Variants in VTI1A observed in about 807,000 individuals in gnomAD.
VTI1A encodes the protein vesicle transport through interaction with t-SNAREs homolog 1A.
A neutral mutation model predicts 34.9 loss-of-function variants in VTI1A; 22 were observed. That is an observed-to-expected ratio of 0.63 (90% CI 0.45 to 0.90). The LOEUF is 0.90. Among genes scored for constraint, VTI1A ranks in the 40% least tolerant of loss-of-function variants. The probability of loss-of-function intolerance (pLI) is 0.00; values close to 1 mark genes in which losing one functional copy is unlikely to be tolerated. For missense variants in VTI1A, 268 were observed against 275.6 expected (o/e 0.97, Z 0.20); for synonymous variants, 87 against 97.3 (o/e 0.89, Z 0.62).
At chr10:112,505,376 A>G (rs1849390559) in intron 3 of VTI1A, among the ~76,000 whole-genome samples, 1 of 152,008 alleles carries the variant, frequency 6.6e-6, no homozygotes, top group Admixed American at 6.6e-5. Context: ...ATTGTTTGCA[A>G]TTCAGTTTAT....
chr10:112,552,532 A>G (rs775689843), intron 5 of VTI1A, among the ~76,000 whole-genome samples: 15 of 152,148 alleles, frequency 9.9e-5, no homozygotes, highest in Non-Finnish European at 1.6e-4. Context: ...AGACTTTTAC[A>G]GACATCCAAA....
intron 5 of VTI1A, among the ~76,000 whole-genome samples, chr10:112,546,023 T>C (rs1264143438): frequency 7.2e-6 from 1 of 139,262 alleles, no homozygotes; most frequent in Non-Finnish European, 1.5e-5. Flanking sequence ...TGTATATACG[T>C]GTATACGCGT....
intron 7 of VTI1A, among the ~76,000 whole-genome samples, chr10:112,777,090 C>T (rs1054790587): frequency 2.0e-5 from 3 of 152,142 alleles, no homozygotes; most frequent in Non-Finnish European, 4.4e-5. Flanking sequence ...TGTAAAAGTT[C>T]ACTACGCTGA....
intron 5 of VTI1A, among the ~76,000 whole-genome samples, chr10:112,580,954 A>G (rs912868984): frequency 1.5e-4 from 23 of 152,186 alleles, no homozygotes; most frequent in Non-Finnish European, 4.4e-5. Context: ...GTCCATAGCA[A>G]TAGATTTGGA....
chr10:112,487,620 C>A (rs754353242), intron 3 of VTI1A, among the ~76,000 whole-genome samples: 4 of 152,138 alleles, frequency 2.6e-5, no homozygotes, highest in African/African-American at 4.8e-5. Flanking sequence ...GCTTCACTTA[C>A]TCTCACCTAG....
chr10:112,697,866 ATGTGTGTGTGTG>A (rs67142519), intron 7 of VTI1A, among the ~76,000 whole-genome samples: 19 of 134,928 alleles, frequency 1.4e-4, no homozygotes, highest in Admixed American at 2.9e-4. Flanking sequence ...TAGCATTTAC[ATGTGTGTGTGTG>A]TGTGTGTGTG....
At chr10:112,499,557 T>C (rs951725918) in intron 3 of VTI1A, among the ~76,000 whole-genome samples, 1 of 152,236 alleles carries the variant, frequency 6.6e-6, no homozygotes, top group African/African-American at 2.4e-5. Flanking sequence ...TCCACCATTT[T>C]TTCAATTGTC....
rs551554216 is a variant in VTI1A at position 112,492,205 on chromosome 10, T to C, written c.264+27548T>C. 2.1e-3 allele frequency among the ~76,000 whole-genome samples: 318 copies of C among 152,200 alleles called. 3 individuals carry two copies. The highest frequency in any genetic ancestry group is 3.5e-3 in the Non-Finnish European group (240 of 68,008). ...ACCCCACTTTCTTGTCAATAAGGGGTATATAGAATCTTTAGATCAGTCCCA... is the reference window on the plus strand; with the variant it reads ...ACCCCACTTTCTTGTCAATAAGGGGCATATAGAATCTTTAGATCAGTCCCA... On this transcript the variant is annotated intron_variant, in intron 3 of 7. Coordinates refer to ENST00000393077, the MANE Select transcript of VTI1A (RefSeq NM_145206.4).
chr10:112,821,129 C>T (rs977731841), downstream of VTI1A, among the ~76,000 whole-genome samples: 2 of 152,210 alleles, frequency 1.3e-5, no homozygotes, highest in Non-Finnish European at 2.9e-5. Flanking sequence ...GGGCAGTCGC[C>T]AGGAAGCAGA....
At chr10:112,591,214 G>A (rs1844373077) in intron 5 of VTI1A, among the ~76,000 whole-genome samples, 2 of 152,022 alleles carry the variant, frequency 1.3e-5, no homozygotes, top group Non-Finnish European at 2.9e-5. Context: ...TGGGTACTCA[G>A]GTTTATGTTA....
intron 3 of VTI1A, among the ~76,000 whole-genome samples, chr10:112,524,833 A>G (rs538318577): frequency 1.3e-5 from 2 of 152,312 alleles, no homozygotes; most frequent in African/African-American, 4.8e-5. Context: ...ATAATTAAAA[A>G]GGCAGCTCTG....
At chr10:112,849,013 C>A in the VTI1A span, among the ~76,000 whole-genome samples, 7 of 152,172 alleles carry the variant, frequency 4.6e-5, no homozygotes, top group Non-Finnish European at 8.8e-5. Context: ...ACATATTGAT[C>A]TGATGGTGGG....
chr10:112,708,464 T>G (rs1369104356), intron 7 of VTI1A, among the ~76,000 whole-genome samples: 1 of 152,228 alleles, frequency 6.6e-6, no homozygotes, highest in Admixed American at 6.5e-5. Context: ...TCCCATGTAT[T>G]TCTTACATAG....
In VTI1A at chr10:112,662,780, G is replaced by A. The variant is rs752903899; in HGVS notation, c.428-5438G>A. Among the ~76,000 whole-genome samples, 7 of 151,782 alleles carry A rather than the reference G, an allele frequency of 4.6e-5. No homozygotes were observed. The East Asian group carries it at 5.8e-4, about 13-fold the overall frequency. On this transcript the variant is annotated intron_variant, in intron 5 of 7. Coordinates refer to ENST00000393077, the MANE Select transcript of VTI1A (RefSeq NM_145206.4). ...TAACATCCTGGGTTTGTTTTTTTCC[G>A]AAAACATTTGACACTGTCTTGTATT...
chr10:112,689,536 G>T (rs1848540810), intron 7 of VTI1A, among the ~76,000 whole-genome samples: 1 of 152,182 alleles, frequency 6.6e-6, no homozygotes, highest in African/African-American at 2.4e-5. Context: ...TGTATGTGAT[G>T]AAGGAGGACA....
intron 7 of VTI1A, among the ~76,000 whole-genome samples, chr10:112,782,299 G>A (rs78063592): frequency 0.026 from 4,029 of 152,322 alleles, 84 homozygotes; most frequent in Middle Eastern, 0.051. Flanking sequence ...CACTGAGAGT[G>A]GAACACTAAA....
At chr10:112,846,211 A>G in the VTI1A span, among the ~76,000 whole-genome samples, 1 of 152,130 alleles carries the variant, frequency 6.6e-6, no homozygotes, top group African/African-American at 2.4e-5. Flanking sequence ...CCTGAATCCT[A>G]TTATCAGAAC....
chr10:112,800,516 G>A (rs2134071574), intron 7 of VTI1A, among the ~76,000 whole-genome samples: 2 of 152,362 alleles, frequency 1.3e-5, no homozygotes, highest in South Asian at 2.1e-4. Flanking sequence ...AGTTCCTATA[G>A]TTATTTATTG....
intron 5 of VTI1A, among the ~76,000 whole-genome samples, chr10:112,625,694 T>C (rs1317517323): frequency 6.8e-6 from 1 of 146,836 alleles, no homozygotes; most frequent in Non-Finnish European, 1.5e-5. Context: ...AAGTAGGAGC[T>C]AGGCTGTGAG....
Sources: allele counts gnomAD v4.1 joint callset (sites outside exome capture counted in the v4.1 genomes callset), GRCh38; gene constraint gnomAD v4.1.1; transcripts MANE v1.5; gene names NCBI Gene and HGNC (gene_info 2026-07-23, HGNC 2026-07-21).